CD44: variants seen among roughly 807,000 people sequenced by gnomAD.
The protein encoded by CD44 is CD44 antigen.
In CD44, 49 loss-of-function variants were observed where a neutral mutation model predicts 88.8. The ratio of observed to expected loss-of-function variants is 0.55; its 90% CI spans 0.44 to 0.70. The LOEUF (loss-of-function observed/expected upper bound fraction) is 0.70, where lower values mean the gene tolerates loss of function less well. Among genes scored for constraint, CD44 ranks in the 30% least tolerant of loss-of-function variants. CD44 has a pLI of 0.00. For missense variants in CD44, 883 were observed against 913.8 expected, an observed-to-expected ratio of 0.97 and a Z score of 0.43; for synonymous variants, 325 against 312.3, an observed-to-expected ratio of 1.04 and a Z score of -0.43.
At chr11:35,147,100 T>C (rs1303802640) in intron 1 of CD44, among the ~76,000 whole-genome samples, 1 of 152,186 alleles carries the variant, frequency 6.6e-6, no homozygotes, top group African/African-American at 2.4e-5. Context: ...TGAATTGAGT[T>C]GTTTGTTCAT....
intron 1 of CD44, among the ~76,000 whole-genome samples, chr11:35,154,360 T>C (rs1941579325): frequency 6.6e-6 from 1 of 152,188 alleles, no homozygotes; most frequent in Non-Finnish European, 1.5e-5. Context: ...TGTACAACCA[T>C]TTGGCTCCTA....
intron 1 of CD44, among the ~76,000 whole-genome samples, chr11:35,162,318 C>T (rs577802154): frequency 1.1e-4 from 16 of 152,236 alleles, no homozygotes; most frequent in African/African-American, 2.6e-4. Flanking sequence ...TGGGCTTTTG[C>T]GAGGTATGGT....
chr11:35,150,832 C>A (rs1306278300), intron 1 of CD44, among the ~76,000 whole-genome samples: 1 of 152,206 alleles, frequency 6.6e-6, no homozygotes, highest in Non-Finnish European at 1.5e-5. Flanking sequence ...GGTCCTTCCC[C>A]TGTTGGTTGC....
At chr11:35,165,716 G>A (rs932541513) in intron 1 of CD44, among the ~76,000 whole-genome samples, 9 of 152,158 alleles carry the variant, frequency 5.9e-5, no homozygotes, top group Non-Finnish European at 2.9e-5. Flanking sequence ...TGGGTGGCAG[G>A]AAGGCAAGGT....
At chr11:35,142,449 A>G (rs1858182054) in intron 1 of CD44, among the ~76,000 whole-genome samples, 2 of 152,154 alleles carry the variant, frequency 1.3e-5, no homozygotes, top group African/African-American at 4.8e-5. Context: ...TTGCTTGGGA[A>G]TTGCATGCCT....
chr11:35,215,014 C>A, intron 15 of CD44, 100 bp downstream of exon 15: 1 of 632,828 alleles, frequency 1.6e-6, no homozygotes, highest in South Asian at 3.5e-5. Context: ...AAGTGGTTCT[C>A]AAACCTTCTT....
chr11:35,192,795 T>C (rs1305610052), intron 5 of CD44, among the ~76,000 whole-genome samples: 4 of 150,326 alleles, frequency 2.7e-5, no homozygotes, highest in African/African-American at 4.9e-5. Flanking sequence ...TCTTTCTTTT[T>C]TTTTTTTTTT....
intron 1 of CD44, among the ~76,000 whole-genome samples, chr11:35,168,515 T>A (rs954681115): frequency 6.6e-6 from 1 of 152,226 alleles, no homozygotes; most frequent in Admixed American, 6.5e-5. Context: ...ACTGTGGTTA[T>A]GGACCAGGAG....
intron 16 of CD44, among the ~76,000 whole-genome samples, chr11:35,221,124 A>C (rs1267168563): frequency 6.6e-6 from 1 of 152,238 alleles, no homozygotes; most frequent in Non-Finnish European, 1.5e-5. Flanking sequence ...GGTGTTTAGC[A>C]AACATTGCCT....
chr11:35,202,137 A>G (rs1212640716), intron 9 of CD44, among the ~76,000 whole-genome samples: 3 of 152,216 alleles, frequency 2.0e-5, no homozygotes, highest in Non-Finnish European at 4.4e-5. Flanking sequence ...ATCTGGAAAG[A>G]AAGTTTGTCA....
rs117141116 is a variant in CD44 at position 35,150,471 on chromosome 11, A to C, written c.67+11101A>C. On this transcript the variant is annotated intron_variant, in intron 1 of 17. Transcript: ENST00000428726. Reference sequence around the variant, plus strand: ...TCTTGCTCAGGAAAAAGAAAGAAAAATGGAAATCATAAAGATTGCACGACT... The same window carrying C: ...TCTTGCTCAGGAAAAAGAAAGAAAACTGGAAATCATAAAGATTGCACGACT... Among the ~76,000 whole-genome samples the C allele has an allele frequency of 7.3e-3, 1,110 of 152,312 alleles. 6 individuals are homozygous for C. Among genetic ancestry groups the C allele is most frequent in the Non-Finnish European group, 0.013 (862 of 68,016 alleles).
At chr11:35,209,834 G>T in intron 12 of CD44, 131 bp from the exon 13 acceptor site, 1 of 619,080 alleles carries the variant, frequency 1.6e-6, no homozygotes, top group South Asian at 2.0e-5. Context: ...GGAGAATTGT[G>T]TGCACAAACC....
intron 11 of CD44, 136 bp from the exon 12 acceptor site, chr11:35,207,969 G>A (rs140704280): frequency 1.0e-4 from 62 of 600,554 alleles, no homozygotes; most frequent in African/African-American, 1.1e-4. Flanking sequence ...ATCTCAGTTC[G>A]GGAGATATAG....
At position 35,139,346 on chromosome 11, in the gene CD44, G is replaced by A. The variant is rs1263189545; in HGVS notation, c.43G>A (p.Val15Met). 4 of 1,561,432 alleles carry A rather than the reference G, an allele frequency of 2.6e-6. No individual in the cohort carries two copies. The South Asian group carries it at 3.5e-5, about 14-fold the overall frequency. ...WWHAAWGLCL[V>M]PLSLAQIDLN... ...GCACGCAGCCTGGGGACTCTGCCTCGTGCCGCTGAGCCTGGCGCAGATCGG... is the reference window on the plus strand; with the variant it reads ...GCACGCAGCCTGGGGACTCTGCCTCATGCCGCTGAGCCTGGCGCAGATCGG... The change falls in exon 1 of 18, where the codon GTG (valine) becomes ATG (methionine). Residue 15 changes from valine to methionine, a missense_variant. Around this residue, in one of 2 missense-constraint regions of CD44, gnomAD observed 252 missense variants for 322.9 expected, o/e 0.78. Transcript: ENST00000428726.
At chr11:35,229,005 C>T in intron 17 of CD44, 124 bp from the exon 18 acceptor site, 1 of 802,120 alleles carries the variant, frequency 1.2e-6, no homozygotes, top group Non-Finnish European at 2.0e-6. Context: ...TAGCACAGTG[C>T]TTGGCACACA....
intron 1 of CD44, among the ~76,000 whole-genome samples, chr11:35,154,752 G>C (rs564601015): frequency 6.6e-6 from 1 of 152,140 alleles, no homozygotes; most frequent in South Asian, 2.1e-4. Context: ...CATGTGTCTC[G>C]TGTGATTGTT....
Position 35,201,876 on chromosome 11 carries a change from G to A in CD44, c.1153+89G>A, listed in dbSNP as rs140631691. The A allele has an allele frequency of 3.7e-4, 497 of 1,331,604 alleles. No individual in the cohort carries two copies. In the East Asian group the frequency reaches 5.2e-3, roughly 14 times the overall value. The allele number at this position is 1,331,604 out of a possible 1,614,324, so 82.5% of individuals were successfully genotyped here. A position where few individuals can be genotyped will look rare whatever the true frequency, so the allele number is the denominator to read the frequency against. On this transcript the variant is annotated intron_variant, in intron 9 of 17. Transcript: ENST00000428726. ...GGAAGATTTTGTTTAGAAATTGGCC[G>A]CATCTTCTATTTCCACTCGGTAATT...
At chr11:35,168,178 A>G (rs1051822066) in intron 1 of CD44, among the ~76,000 whole-genome samples, 2 of 152,110 alleles carry the variant, frequency 1.3e-5, no homozygotes, top group African/African-American at 4.8e-5. Context: ...TCTTCTCTCT[A>G]GGGCTCTCTT....
At chr11:35,188,524 C>T (rs1945925979) in intron 4 of CD44, among the ~76,000 whole-genome samples, 1 of 152,216 alleles carries the variant, frequency 6.6e-6, no homozygotes, top group Non-Finnish European at 1.5e-5. Context: ...CCACAGTTCT[C>T]TTTTGAAGTC....
Sources: gnomAD v4.1 joint callset for allele counts (sites outside exome capture counted in the v4.1 genomes callset) on GRCh38, gnomAD v4.1.1 for gene constraint, gnomAD v4.1.1 regional missense constraint, MANE v1.5 for transcripts, NCBI Gene and HGNC (gene_info 2026-07-23, HGNC 2026-07-21) for gene names.